Variants in SIRT4 observed in about 807,000 individuals in gnomAD.
SIRT4 encodes sirtuin 4.
A neutral mutation model predicts 26.1 loss-of-function variants in SIRT4; 23 were observed. That is an observed-to-expected ratio of 0.88 (90% CI 0.63 to 1.25). The LOEUF (loss-of-function observed/expected upper bound fraction) is 1.25. Among genes scored for constraint, SIRT4 ranks in the 50% most tolerant of loss-of-function variants. The pLI, the probability that SIRT4 is intolerant of heterozygous loss-of-function variation, is 0.00. For missense variants in SIRT4, 361 were observed against 405.4 expected (o/e 0.89, Z 0.94); for synonymous variants, 155 against 158.4 (o/e 0.98, Z 0.16).
the SIRT4 span, among the ~76,000 whole-genome samples, chr12:120,296,501 TG>T: frequency 7.2e-6 from 1 of 139,230 alleles, no homozygotes; most frequent in African/African-American, 2.8e-5. Flanking sequence ...TAACTTGTTT[TG>T]TGTTTTTTTT....
the SIRT4 span, among the ~76,000 whole-genome samples, chr12:120,293,847 G>C: frequency 3.4e-5 from 1 of 29,242 alleles, no homozygotes; most frequent in South Asian, 1.2e-3. Context: ...GACTTTGTGA[G>C]TACTTTATAT....
the SIRT4 span, chr12:120,293,184 T>C: frequency 9.9e-5 from 15 of 152,160 alleles, no homozygotes; most frequent in South Asian, 2.1e-4. Context: ...CAATTAGCAA[T>C]AATCGCGCCT....
At chr12:120,294,006 C>CTTT in the SIRT4 span, among the ~76,000 whole-genome samples, 2 of 84,014 alleles carry the variant, frequency 2.4e-5, no homozygotes, top group Non-Finnish European at 4.3e-5. Context: ...GAGATGTTAT[C>CTTT]TTTTTTTTTT....
At chr12:120,308,046 A>C (rs1030475801) in intron 2 of SIRT4, among the ~76,000 whole-genome samples, 22 of 152,020 alleles carry the variant, frequency 1.4e-4, no homozygotes, top group African/African-American at 5.1e-4. Flanking sequence ...AAATAGAGAC[A>C]GGATCTTGCT....
At chr12:120,301,173 T>C (rs576178078), upstream of SIRT4, among the ~76,000 whole-genome samples, 129 of 152,086 alleles carry the variant, frequency 8.5e-4, no homozygotes, top group African/African-American at 2.8e-3. Context: ...GGTGAAACCT[T>C]GTCTCTACTA....
intron 2 of SIRT4, among the ~76,000 whole-genome samples, chr12:120,305,638 AT>A (rs1211244591): frequency 6.6e-6 from 1 of 152,040 alleles, no homozygotes; most frequent in African/African-American, 2.4e-5. Context: ...ATTCCCTAAC[AT>A]TTTGACTCTG....
chr12:120,313,067 G>C lies in SIRT4; in HGVS notation c.*31G>C. Reference sequence around the variant, plus strand: ...GCCTGATATTCCAGAACCTGGAACAGGGACTTTCACTTGAATCTTGCTGCT... The same window carrying C: ...GCCTGATATTCCAGAACCTGGAACACGGACTTTCACTTGAATCTTGCTGCT... On this transcript the variant is annotated 3_prime_UTR_variant, in exon 4 of 4. Coordinates refer to ENST00000202967, the MANE Select transcript of SIRT4 (RefSeq NM_012240.3). 1 of 1,612,044 alleles carries C rather than the reference G, an allele frequency of 6.2e-7. No homozygotes were observed. The highest frequency in any genetic ancestry group is 8.5e-7 in the Non-Finnish European group (1 of 1,178,644).
upstream of SIRT4, among the ~76,000 whole-genome samples, chr12:120,300,558 C>T (rs777662089): frequency 1.3e-5 from 2 of 152,084 alleles, no homozygotes; most frequent in Non-Finnish European, 2.9e-5. Flanking sequence ...GTGATCCTCC[C>T]ACCTGAGCCT....
At chr12:120,304,240 AG>A (rs1376576508) in intron 2 of SIRT4, among the ~76,000 whole-genome samples, 182 bp downstream of exon 2, 1 of 152,208 alleles carries the variant, frequency 6.6e-6, no homozygotes, top group African/African-American at 2.4e-5. Flanking sequence ...CAGGAAAGAG[AG>A]GAAAGCCAAG....
intron 1 of SIRT4, among the ~76,000 whole-genome samples, chr12:120,302,784 A>ATC (rs897148390): frequency 1.9e-4 from 28 of 146,156 alleles, no homozygotes; most frequent in African/African-American, 6.7e-4. Context: ...CAACGGCGCG[A>ATC]TCTCGGCTCA....
Position 120,313,179 on chromosome 12 carries a change from T to C in SIRT4, c.*143T>C, listed in dbSNP as rs1001951456. The C allele has an allele frequency of 3.5e-6, 3 of 849,484 alleles. No homozygotes were observed. Among genetic ancestry groups the C allele is most frequent in the Non-Finnish European group, 5.5e-6 (3 of 544,274 alleles). The allele number at this position is 849,484 out of a possible 1,614,324, so 52.6% of individuals were successfully genotyped here. A position where few individuals can be genotyped will look rare whatever the true frequency, so the allele number is the denominator to read the frequency against. Reference sequence around the variant, plus strand: ...GACAAAGTATAGAAGGTTCTAGGTATCTTAATGTGTGGATATTCTTAATTA... The same window carrying C: ...GACAAAGTATAGAAGGTTCTAGGTACCTTAATGTGTGGATATTCTTAATTA... On this transcript the variant is annotated 3_prime_UTR_variant, in exon 4 of 4. Transcript: ENST00000202967.
chr12:120,293,380 G>A, the SIRT4 span: 5 of 152,158 alleles, frequency 3.3e-5, no homozygotes, highest in Admixed American at 3.3e-4. Context: ...GACCTGCGTA[G>A]GTGGTTTCTG....
chr12:120,312,122 A>C (rs981002789), intron 2 of SIRT4, among the ~76,000 whole-genome samples: 3 of 151,980 alleles, frequency 2.0e-5, no homozygotes, highest in African/African-American at 7.2e-5. Flanking sequence ...GTCTCTACCA[A>C]AACTACAAAA....
At chr12:120,297,233 A>AATAAATACATAC in the SIRT4 span, among the ~76,000 whole-genome samples, 4 of 134,350 alleles carry the variant, frequency 3.0e-5, no homozygotes, top group Admixed American at 3.0e-4. Context: ...AAAATAAATA[A>AATAAATACATAC]ATACATACAT....
At chr12:120,292,005 T>C in the SIRT4 span, 2 of 152,144 alleles carry the variant, frequency 1.3e-5, no homozygotes, top group Admixed American at 1.3e-4. Flanking sequence ...GTGTTCCCAC[T>C]CCACCAGCCG....
At chr12:120,302,044 A>AAT (rs1484305306), upstream of SIRT4, among the ~76,000 whole-genome samples, 3 of 151,108 alleles carry the variant, frequency 2.0e-5, no homozygotes, top group Admixed American at 6.6e-5. Context: ...AAAAAAAAAA[A>AAT]ACAACAACTC....
intron 1 of SIRT4, among the ~76,000 whole-genome samples, chr12:120,302,880 CG>C (rs1872598112): frequency 6.6e-6 from 1 of 151,462 alleles, no homozygotes. Flanking sequence ...CCACAATGCC[CG>C]GCTAATTTTT....
At chr12:120,292,759 G>A in the SIRT4 span, among the ~76,000 whole-genome samples, 1 of 151,192 alleles carries the variant, frequency 6.6e-6, no homozygotes, top group Admixed American at 6.6e-5. Context: ...TTTGCAGCGA[G>A]CCGAGATCAC....
chr12:120,298,573 A>G (rs1872420800), upstream of SIRT4, among the ~76,000 whole-genome samples: 1 of 151,962 alleles, frequency 6.6e-6, no homozygotes, highest in Non-Finnish European at 1.5e-5. Context: ...GCCTGGGTGA[A>G]AGAGTGAGAC....
Sources: gnomAD v4.1 joint callset for allele counts (sites outside exome capture counted in the v4.1 genomes callset) on GRCh38, gnomAD v4.1.1 for gene constraint, MANE v1.5 for transcripts, NCBI Gene and HGNC (gene_info 2026-07-23, HGNC 2026-07-21) for gene names.